PDZRN3: variants seen among roughly 807,000 people sequenced by gnomAD.
The protein encoded by PDZRN3 is E3 ubiquitin-protein ligase PDZRN3.
In PDZRN3, 38 loss-of-function variants were observed where a neutral mutation model predicts 85.7. The ratio of observed to expected loss-of-function variants is 0.44; its 90% CI spans 0.34 to 0.58. The LOEUF (loss-of-function observed/expected upper bound fraction) is 0.58. Ranked by LOEUF, PDZRN3 falls within the 20% of genes least tolerant of loss-of-function variation. The pLI is 0.01. For synonymous variants in PDZRN3, 759 were observed against 638.0 expected, an observed-to-expected ratio of 1.19 and a Z score of -2.86; for missense variants, 1,629 against 1,506.4, an observed-to-expected ratio of 1.08 and a Z score of -1.35.
chr3:73,469,726 G>C (rs983350102), intron 3 of PDZRN3, among the ~76,000 whole-genome samples: 1 of 151,960 alleles, frequency 6.6e-6, no homozygotes, highest in East Asian at 1.9e-4. Flanking sequence ...CATAACATTA[G>C]AAAATATTAC....
chr3:73,416,315 G>A (rs937878226), intron 3 of PDZRN3, among the ~76,000 whole-genome samples: 2 of 150,384 alleles, frequency 1.3e-5, no homozygotes, highest in African/African-American at 2.5e-5. Flanking sequence ...AATACTTGAC[G>A]TGTGAGGTCT....
At chr3:73,520,892 T>C (rs1273422061) in intron 3 of PDZRN3, among the ~76,000 whole-genome samples, 1 of 152,120 alleles carries the variant, frequency 6.6e-6, no homozygotes, top group African/African-American at 2.4e-5. Context: ...CAAGCAAGGA[T>C]AACATCACTC....
rs145418193 is a variant in PDZRN3, at chr3:73,383,133, T to C, written c.*232A>G. On this transcript the variant is annotated 3_prime_UTR_variant, in exon 10 of 10. Coordinates refer to ENST00000263666, the MANE Select transcript of PDZRN3 (RefSeq NM_015009.3). The stretch of plus-strand genomic sequence containing the variant: ...TACAGGTAGAAAAGTACAATTGCTA[T>C]TTGAAAAAAGCTCTGTTTGTTAATA... 2.5e-3 allele frequency: 1,150 copies of C among 460,588 alleles called. 16 individuals are homozygous for C. Among genetic ancestry groups the C allele is most frequent in the African/African-American group, 0.02 (1,036 of 50,854 alleles). 28.5% of individuals were successfully genotyped at this position (460,588 alleles called of 1,614,324 possible). A position where few individuals can be genotyped will look rare whatever the true frequency, so the allele number is the denominator to read the frequency against.
intron 3 of PDZRN3, among the ~76,000 whole-genome samples, chr3:73,456,205 T>C (rs995983014): frequency 6.6e-6 from 1 of 151,880 alleles, no homozygotes; most frequent in African/African-American, 2.4e-5. Flanking sequence ...TGTGTGTGTG[T>C]GTGTGTGTGT....
At chr3:73,426,781 T>C (rs1173166595) in intron 3 of PDZRN3, among the ~76,000 whole-genome samples, 2 of 152,142 alleles carry the variant, frequency 1.3e-5, no homozygotes, top group African/African-American at 4.8e-5. Flanking sequence ...TCTGATTCAG[T>C]AGCTCTGGGG....
chr3:73,499,765 G>A (rs1703940837), intron 3 of PDZRN3, among the ~76,000 whole-genome samples: 2 of 152,020 alleles, frequency 1.3e-5, no homozygotes, highest in African/African-American at 4.8e-5. Context: ...CTCATACCTG[G>A]GTTTCCCACC....
At chr3:73,563,009 A>ATTT (rs1701862401) in intron 3 of PDZRN3, among the ~76,000 whole-genome samples, 3 of 39,678 alleles carry the variant, frequency 7.6e-5, no homozygotes, top group African/African-American at 3.4e-4. Flanking sequence ...ATATATATAT[A>ATTT]TATATTTTTT....
At chr3:73,416,768 C>G (rs1702090047) in intron 3 of PDZRN3, among the ~76,000 whole-genome samples, 1 of 151,614 alleles carries the variant, frequency 6.6e-6, no homozygotes, top group Non-Finnish European at 1.5e-5. Context: ...TCTTAAAACT[C>G]TGTTCTTCAC....
chr3:73,515,966 A>G (rs1466019502), intron 3 of PDZRN3, among the ~76,000 whole-genome samples: 1 of 152,262 alleles, frequency 6.6e-6, no homozygotes, highest in Non-Finnish European at 1.5e-5. Flanking sequence ...ATACCAGTAT[A>G]GAGATCTCAT....
intron 3 of PDZRN3, among the ~76,000 whole-genome samples, chr3:73,485,890 C>G (rs951215494): frequency 1.4e-4 from 21 of 152,266 alleles, no homozygotes; most frequent in African/African-American, 5.1e-4. Context: ...TAATTACAAC[C>G]AAAAGGCAGT....
chr3:73,485,750 CAATT>C (rs1703650089), intron 3 of PDZRN3, among the ~76,000 whole-genome samples: 1 of 152,090 alleles, frequency 6.6e-6, no homozygotes, highest in Non-Finnish European at 1.5e-5. Context: ...CAAAGAGTGA[CAATT>C]AAATAAGACA....
At chr3:73,577,581 G>C (rs915940074) in intron 3 of PDZRN3, among the ~76,000 whole-genome samples, 1 of 152,140 alleles carries the variant, frequency 6.6e-6, no homozygotes, top group South Asian at 2.1e-4. Context: ...GGGCACAGCA[G>C]AGGAAAACCA....
intron 3 of PDZRN3, among the ~76,000 whole-genome samples, chr3:73,505,112 TG>T (rs1704047318): frequency 6.6e-6 from 1 of 152,154 alleles, no homozygotes; most frequent in South Asian, 2.1e-4. Context: ...GGAGGTGGCT[TG>T]GAATTTGAGA....
intron 5 of PDZRN3, among the ~76,000 whole-genome samples, chr3:73,397,686 T>C (rs17011080): frequency 0.036 from 5,508 of 152,300 alleles, 359 homozygotes; most frequent in African/African-American, 0.12. Context: ...GATATGTTCC[T>C]AGCCTAGGAG....
chr3:73,463,285 TA>T (rs1703145482), intron 3 of PDZRN3, among the ~76,000 whole-genome samples: 1 of 152,210 alleles, frequency 6.6e-6, no homozygotes, highest in Non-Finnish European at 1.5e-5. Flanking sequence ...TGGAAGAAGC[TA>T]ATTCCTATGA....
chr3:73,594,110 AAAT>A (rs1306247504), intron 3 of PDZRN3: 1 of 152,200 alleles, frequency 6.6e-6, no homozygotes, highest in Non-Finnish European at 1.5e-5. Context: ...AAAATAAGGA[AAAT>A]AATGACAGTA....
intron 3 of PDZRN3, among the ~76,000 whole-genome samples, chr3:73,476,742 G>A (rs1325793934): frequency 6.6e-6 from 1 of 152,194 alleles, no homozygotes; most frequent in Non-Finnish European, 1.5e-5. Context: ...AAAGACCTAT[G>A]TTGAGAGAAA....
At chr3:73,545,315 C>T (rs1000957883) in intron 3 of PDZRN3, among the ~76,000 whole-genome samples, 6 of 152,126 alleles carry the variant, frequency 3.9e-5, no homozygotes, top group African/African-American at 7.2e-5. Flanking sequence ...TCATAATCTG[C>T]GGATCAGAGG....
chr3:73,604,786 A>G (rs916320850), intron 2 of PDZRN3, among the ~76,000 whole-genome samples: 5 of 152,210 alleles, frequency 3.3e-5, no homozygotes, highest in African/African-American at 1.2e-4. Context: ...TTGTTTTGCA[A>G]AATACCACAT....
Sources: allele counts gnomAD v4.1 joint callset (sites outside exome capture counted in the v4.1 genomes callset), GRCh38; gene constraint gnomAD v4.1.1; transcripts MANE v1.5; gene names NCBI Gene and HGNC (gene_info 2026-07-23, HGNC 2026-07-21).